Variants in TCF12 observed in about 807,000 individuals in gnomAD.
The protein encoded by TCF12 is DNA-binding protein HTF4.
In TCF12, 45 loss-of-function variants were observed where a neutral mutation model predicts 86.0. That is an observed-to-expected ratio of 0.52 (90% CI 0.41 to 0.67). The LOEUF (loss-of-function observed/expected upper bound fraction) is 0.67, where lower values mean the gene tolerates loss of function less well. Ranked by LOEUF, TCF12 falls within the 30% of genes least tolerant of loss-of-function variation. The pLI, the probability that TCF12 is intolerant of heterozygous loss-of-function variation, is 0.00. For synonymous variants in TCF12, 330 were observed against 299.6 expected (o/e 1.10, Z -1.05); for missense variants, 881 against 859.9 (o/e 1.02, Z -0.31).
At chr15:57,075,766 C>CT (rs1358769405) in intron 4 of TCF12, among the ~76,000 whole-genome samples, 3 of 51,650 alleles carry the variant, frequency 5.8e-5, no homozygotes, top group Admixed American at 1.7e-4. Flanking sequence ...TCTTTTCTTT[C>CT]TTTCTTTCTT....
At chr15:57,143,274 T>C (rs1451705241) in intron 5 of TCF12, among the ~76,000 whole-genome samples, 8 of 152,032 alleles carry the variant, frequency 5.3e-5, no homozygotes, top group East Asian at 1.9e-4. Context: ...AAGATAGTAA[T>C]GTATAAATGT....
chr15:56,940,884 G>A (rs1235394445), intron 3 of TCF12, among the ~76,000 whole-genome samples: 1 of 150,130 alleles, frequency 6.7e-6, no homozygotes, highest in East Asian at 2.0e-4. Flanking sequence ...GCCTCCTGAG[G>A]ATAACAGGTG....
At chr15:57,251,491 A>T (rs1405312923) in intron 14 of TCF12, 68 bp downstream of exon 14, 2 of 1,471,604 alleles carry the variant, frequency 1.4e-6, no homozygotes, top group African/African-American at 2.8e-5. Flanking sequence ...TCAATCTGGC[A>T]TAACAATAAA....
chr15:57,016,089 G>C lies in TCF12; in HGVS notation c.149-47661G>C, dbSNP rs535421086. 8.8e-4 allele frequency among the ~76,000 whole-genome samples: 134 copies of C among 152,272 alleles called. 3 individuals are homozygous for C. In the South Asian group the frequency reaches 0.027, roughly 30 times the overall value. On this transcript the variant is annotated intron_variant, in intron 3 of 20. Coordinates refer to ENST00000333725, the MANE Select transcript of TCF12 (RefSeq NM_207037.2). Reference sequence around the variant, plus strand: ...AGGGGCTGACTCATTCATTATTTACGTGTACCCTGCAGGTAGTTTATCTCT... The same window carrying C: ...AGGGGCTGACTCATTCATTATTTACCTGTACCCTGCAGGTAGTTTATCTCT...
chr15:57,197,870 T>G (rs2057349508), intron 8 of TCF12, 45 bp downstream of exon 8: 1 of 1,593,364 alleles, frequency 6.3e-7, no homozygotes, highest in Non-Finnish European at 8.6e-7. Flanking sequence ...CAAACTGATT[T>G]CAAGTGTTCC....
At chr15:57,217,643 C>A (rs1284776620) in intron 8 of TCF12, among the ~76,000 whole-genome samples, 1 of 152,054 alleles carries the variant, frequency 6.6e-6, no homozygotes, top group African/African-American at 2.4e-5. Flanking sequence ...CCCCTCTTCT[C>A]CCTATTCCTC....
At chr15:57,106,349 A>G (rs534699447) in intron 5 of TCF12, among the ~76,000 whole-genome samples, 1 of 152,360 alleles carries the variant, frequency 6.6e-6, no homozygotes, top group East Asian at 1.9e-4. Flanking sequence ...AAACTGGATG[A>G]AAAGTACATG....
intron 5 of TCF12, among the ~76,000 whole-genome samples, chr15:57,120,249 T>G (rs575542068): frequency 6.6e-6 from 1 of 152,238 alleles, no homozygotes; most frequent in Non-Finnish European, 1.5e-5. Context: ...AAGCCTTGCC[T>G]AAACTCCCAA....
chr15:57,244,448 A>G (rs940429081), intron 13 of TCF12, among the ~76,000 whole-genome samples: 2 of 151,992 alleles, frequency 1.3e-5, no homozygotes. Context: ...TAGTGGAGAT[A>G]AGTGGTTCAC....
At chr15:57,056,589 A>G (rs1170301955) in intron 3 of TCF12, among the ~76,000 whole-genome samples, 1 of 152,074 alleles carries the variant, frequency 6.6e-6, no homozygotes, top group African/African-American at 2.4e-5. Flanking sequence ...CCTCCCACGT[A>G]GCTGGGACTA....
chr15:57,202,078 C>T (rs2151765644), intron 8 of TCF12, among the ~76,000 whole-genome samples: 1 of 152,300 alleles, frequency 6.6e-6, no homozygotes, highest in South Asian at 2.1e-4. Flanking sequence ...ATATCCTAAT[C>T]TTCAACCTTT....
At chr15:57,198,710 G>A (rs1231802559) in intron 8 of TCF12, among the ~76,000 whole-genome samples, 1 of 151,710 alleles carries the variant, frequency 6.6e-6, no homozygotes, top group Non-Finnish European at 1.5e-5. Context: ...GTGCCTTGTA[G>A]GGTACATCTT....
At chr15:57,223,194 T>G (rs1299846388) in intron 8 of TCF12, among the ~76,000 whole-genome samples, 2 of 151,962 alleles carry the variant, frequency 1.3e-5, no homozygotes, top group Admixed American at 6.6e-5. Context: ...TCACCTATTT[T>G]GTAAGTACTG....
intron 3 of TCF12, among the ~76,000 whole-genome samples, chr15:57,023,502 C>A (rs984539878): frequency 6.6e-6 from 1 of 152,146 alleles, no homozygotes; most frequent in East Asian, 1.9e-4. Context: ...CATACTTCTG[C>A]ACCAACCATA....
chr15:56,937,656 TGTTCA>T lies in TCF12; in HGVS notation c.148+16561_148+16565del, dbSNP rs1458247142. On this transcript the variant is annotated intron_variant, in intron 3 of 20. Transcript: ENST00000333725. ...GGAGGGAATGCTTTCAACTTTTCCC[TGTTCA>T]GTATTATGTTGGCTGTGGGTTTGTC... Among the ~76,000 whole-genome samples, 15 of 152,262 alleles carry T rather than the reference TGTTCA, an allele frequency of 9.9e-5. No individual in the cohort carries two copies. The East Asian group carries it at 2.9e-3, about 29-fold the overall frequency.
intron 5 of TCF12, among the ~76,000 whole-genome samples, chr15:57,148,701 CAA>C (rs61526953): frequency 8.8e-5 from 11 of 124,378 alleles, no homozygotes; most frequent in Admixed American, 1.7e-4. Context: ...GGTGACGTGG[CAA>C]AAAAAAAAAA....
At chr15:57,116,005 G>T (rs1226423687) in intron 5 of TCF12, among the ~76,000 whole-genome samples, 1 of 152,090 alleles carries the variant, frequency 6.6e-6, no homozygotes, top group East Asian at 1.9e-4. Context: ...GTTCCTTACT[G>T]TTTTGGATTC....
intron 5 of TCF12, among the ~76,000 whole-genome samples, chr15:57,163,592 A>G (rs1253614788): frequency 6.6e-6 from 1 of 152,028 alleles, no homozygotes; most frequent in Non-Finnish European, 1.5e-5. Context: ...GGTTCCAGCT[A>G]CTTGGGAGGC....
intron 6 of TCF12, among the ~76,000 whole-genome samples, chr15:57,191,707 G>GT (rs1363323520): frequency 6.6e-6 from 1 of 152,146 alleles, no homozygotes; most frequent in Non-Finnish European, 1.5e-5. Context: ...AGAGGCTGAG[G>GT]TGGGTGGATC....
Sources: gnomAD v4.1 joint callset for allele counts (sites outside exome capture counted in the v4.1 genomes callset) on GRCh38, gnomAD v4.1.1 for gene constraint, MANE v1.5 for transcripts, NCBI Gene and HGNC (gene_info 2026-07-23, HGNC 2026-07-21) for gene names.